GPR176: variants seen among roughly 807,000 people sequenced by gnomAD.
GPR176 encodes G-protein coupled receptor 176.
Under a neutral mutation model 35.4 loss-of-function variants are expected in GPR176, and 26 were observed. That is an observed-to-expected ratio of 0.74 (90% CI 0.54 to 1.02). The LOEUF (loss-of-function observed/expected upper bound fraction) is 1.02, where lower values mean the gene tolerates loss of function less well. Ranked by LOEUF, GPR176 falls within the 50% of genes least tolerant of loss-of-function variation. The probability of loss-of-function intolerance (pLI) is 0.00; values close to 1 mark genes in which losing one functional copy is unlikely to be tolerated. For missense variants in GPR176, 597 were observed against 665.3 expected, an observed-to-expected ratio of 0.90 and a Z score of 1.13; for synonymous variants, 278 against 271.3, an observed-to-expected ratio of 1.02 and a Z score of -0.24.
At chr15:39,824,229 T>C (rs1467401721) in intron 1 of GPR176, among the ~76,000 whole-genome samples, 1 of 152,248 alleles carries the variant, frequency 6.6e-6, no homozygotes, top group African/African-American at 2.4e-5. Flanking sequence ...AAGCAGATGC[T>C]GGCACAATGC....
chr15:39,854,813 G>A (rs944905886), intron 1 of GPR176, among the ~76,000 whole-genome samples: 1 of 151,950 alleles, frequency 6.6e-6, no homozygotes, highest in African/African-American at 2.4e-5. Context: ...GCGGTGGGAG[G>A]ATCACTTGAG....
chr15:39,805,422 AT>A (rs1448616404), intron 2 of GPR176, among the ~76,000 whole-genome samples: 2 of 152,144 alleles, frequency 1.3e-5, no homozygotes, highest in Non-Finnish European at 2.9e-5. Context: ...AAAAAAAAAA[AT>A]AATTGCCAAC....
At chr15:39,876,068 T>C (rs1433669520) in intron 1 of GPR176, among the ~76,000 whole-genome samples, 1 of 151,762 alleles carries the variant, frequency 6.6e-6, no homozygotes, top group African/African-American at 2.4e-5. Flanking sequence ...GGAGGATCAC[T>C]AGAGTCCAGG....
chr15:39,872,457 A>G (rs144800755), intron 1 of GPR176, among the ~76,000 whole-genome samples: 2 of 152,336 alleles, frequency 1.3e-5, no homozygotes, highest in Non-Finnish European at 2.9e-5. Context: ...CCAATTGTTA[A>G]GAGATCAAAA....
chr15:39,855,371 A>G (rs763047760), intron 1 of GPR176, among the ~76,000 whole-genome samples: 12 of 152,222 alleles, frequency 7.9e-5, no homozygotes, highest in Non-Finnish European at 1.5e-4. Flanking sequence ...AGGAATTCAA[A>G]TAAGCCCTGG....
chr15:39,818,790 C>T lies in GPR176; in HGVS notation c.173-11532G>A, dbSNP rs369908486. Among the ~76,000 whole-genome samples the T allele has an allele frequency of 7.2e-5, 11 of 152,308 alleles. 1 individual carries two copies. The highest frequency in any genetic ancestry group is 1.9e-4 in the East Asian group (1 of 5,192). Reference sequence around the variant, plus strand: ...CTCTCAACACACAGCAACATAGATACGGAGCCATAAAGTAAGAAGAAAAAC... The same window carrying T: ...CTCTCAACACACAGCAACATAGATATGGAGCCATAAAGTAAGAAGAAAAAC... On this transcript the variant is annotated intron_variant, in intron 1 of 2. Transcript: ENST00000561100.
intron 1 of GPR176, among the ~76,000 whole-genome samples, chr15:39,833,953 A>G (rs546915654): frequency 1.3e-5 from 2 of 152,310 alleles, no homozygotes; most frequent in South Asian, 4.1e-4. Flanking sequence ...GCCATGAAAC[A>G]GGGCAGCAAT....
At chr15:39,841,118 A>G (rs1014596651) in intron 1 of GPR176, among the ~76,000 whole-genome samples, 1 of 152,128 alleles carries the variant, frequency 6.6e-6, no homozygotes, top group African/African-American at 2.4e-5. Context: ...CCTGAAAGGA[A>G]CTGTAGTTGA....
chr15:39,900,115 ATAAAT>A lies in GPR176; in HGVS notation c.172+19735_172+19739del, dbSNP rs750643753. Reference sequence around the variant, plus strand: ...ATTAAAACATGTTAGTTAAATTTAGATAAATTAAAATAAAATCTAGATAAATTTAA... The same window carrying A: ...ATTAAAACATGTTAGTTAAATTTAGATAAAATAAAATCTAGATAAATTTAA... On this transcript the variant is annotated intron_variant, in intron 1 of 2. Coordinates refer to ENST00000561100, the MANE Select transcript of GPR176 (RefSeq NM_007223.3). Among the ~76,000 whole-genome samples, 4 of 152,136 alleles carry A rather than the reference ATAAAT, an allele frequency of 2.6e-5. No individual in the cohort carries two copies. The East Asian group carries it at 7.7e-4, about 29-fold the overall frequency.
intron 1 of GPR176, among the ~76,000 whole-genome samples, chr15:39,905,715 A>G (rs1050614340): frequency 1.1e-4 from 17 of 152,370 alleles, no homozygotes; most frequent in African/African-American, 3.8e-4. Flanking sequence ...CCAAAAGGTT[A>G]CATACCACAG....
At chr15:39,894,656 T>A (rs1482811714) in intron 1 of GPR176, 1 of 170,170 alleles carries the variant, frequency 5.9e-6, no homozygotes, top group East Asian at 2.0e-4. Flanking sequence ...ACTTCCTAGA[T>A]GTGATGGCGG....
At chr15:39,889,581 A>AATAAAATAAG (rs1555409387) in intron 1 of GPR176, among the ~76,000 whole-genome samples, 49 of 150,564 alleles carry the variant, frequency 3.3e-4, no homozygotes, top group African/African-American at 1.2e-3. Context: ...AATAAAATAA[A>AATAAAATAAG]ATAAAATAAA....
intron 1 of GPR176, among the ~76,000 whole-genome samples, chr15:39,883,389 A>C (rs1004696519): frequency 2.0e-5 from 3 of 152,180 alleles, no homozygotes; most frequent in South Asian, 2.1e-4. Flanking sequence ...TTAAAAAAAA[A>C]CACTTCATTG....
At chr15:39,859,354 T>A (rs1013074629) in intron 1 of GPR176, among the ~76,000 whole-genome samples, 2 of 152,100 alleles carry the variant, frequency 1.3e-5, no homozygotes, top group East Asian at 1.9e-4. Flanking sequence ...AAAGGACTTG[T>A]GTAGACATTT....
At chr15:39,811,760 C>CA (rs1008683045) in intron 1 of GPR176, among the ~76,000 whole-genome samples, 63 of 152,094 alleles carry the variant, frequency 4.1e-4, no homozygotes, top group East Asian at 1.4e-3. Flanking sequence ...ACTAAAAATA[C>CA]AAAAAATTAG....
At chr15:39,917,104 A>G (rs2033745760) in intron 1 of GPR176, among the ~76,000 whole-genome samples, 1 of 152,030 alleles carries the variant, frequency 6.6e-6, no homozygotes, top group Admixed American at 6.5e-5. Flanking sequence ...CAACATGGTG[A>G]AACCCCATCT....
chr15:39,803,233 G>C (rs1044861092), intron 2 of GPR176, among the ~76,000 whole-genome samples: 14 of 150,132 alleles, frequency 9.3e-5, no homozygotes, highest in Non-Finnish European at 1.6e-4. Context: ...TCACTCATAG[G>C]GCAAGTAAGC....
At position 39,920,147 on chromosome 15, in the gene GPR176, G is replaced by T; in HGVS notation, c.-121C>A. The T allele has an allele frequency of 1.6e-6, 1 of 625,898 alleles. No individual in the cohort carries two copies. The highest frequency in any genetic ancestry group is 2.3e-6 in the Non-Finnish European group (1 of 427,766). 38.8% of individuals were successfully genotyped at this position (625,898 alleles called of 1,614,324 possible). On this transcript the variant is annotated 5_prime_UTR_variant, in exon 1 of 3. The change creates a new upstream start codon in the 5' untranslated region. Transcript: ENST00000561100. ...GCGGAGTCCTGGAGAAGCCGGAGCA[G>T]CCGACGGGTCCCCTCACGTCTCCAC...
chr15:39,906,949 G>A (rs1195054910), intron 1 of GPR176, among the ~76,000 whole-genome samples: 1 of 152,214 alleles, frequency 6.6e-6, no homozygotes, highest in Non-Finnish European at 1.5e-5. Context: ...TCAAGGTGCT[G>A]CATTCTAATG....
Sources: gnomAD v4.1 joint callset for allele counts (sites outside exome capture counted in the v4.1 genomes callset) on GRCh38, gnomAD v4.1.1 for gene constraint, MANE v1.5 for transcripts, NCBI Gene and HGNC (gene_info 2026-07-23, HGNC 2026-07-21) for gene names.